TMEM117: variants seen among roughly 807,000 people sequenced by gnomAD.
TMEM117 encodes transmembrane protein 117.
Under a neutral mutation model 52.4 loss-of-function variants are expected in TMEM117, and 27 were observed. That is an observed-to-expected ratio of 0.51 (90% CI 0.38 to 0.71). TMEM117 has a LOEUF of 0.71. Among genes scored for constraint, TMEM117 ranks in the 30% least tolerant of loss-of-function variants. TMEM117 has a pLI of 0.00. For missense variants in TMEM117, 556 were observed against 630.5 expected (o/e 0.88, Z 1.26); for synonymous variants, 215 against 206.3 (o/e 1.04, Z -0.36).
chr12:43,797,241 T>C, the TMEM117 span: 182 of 1,505,230 alleles, frequency 1.2e-4, no homozygotes, highest in Middle Eastern at 2.4e-3. Context: ...AGTAAGAATA[T>C]AGGGCTGATA....
At chr12:43,943,843 C>A (rs1411698046) in intron 2 of TMEM117, among the ~76,000 whole-genome samples, 1 of 152,160 alleles carries the variant, frequency 6.6e-6, no homozygotes, top group Non-Finnish European at 1.5e-5. Context: ...AGGATTCATG[C>A]AACTTCTTTA....
intron 3 of TMEM117, among the ~76,000 whole-genome samples, chr12:44,036,124 G>A (rs1388941896): frequency 2.0e-5 from 3 of 152,024 alleles, no homozygotes; most frequent in Non-Finnish European, 4.4e-5. Flanking sequence ...AGATCTCAGT[G>A]GTTGTCATCT....
At chr12:43,996,910 G>T (rs1035039123) in intron 3 of TMEM117, among the ~76,000 whole-genome samples, 3 of 152,154 alleles carry the variant, frequency 2.0e-5, no homozygotes, top group African/African-American at 4.8e-5. Context: ...GGGCATATTT[G>T]TTGGTGTCAG....
intron 4 of TMEM117, among the ~76,000 whole-genome samples, chr12:44,194,022 G>A (rs1219053153): frequency 6.6e-6 from 1 of 151,992 alleles, no homozygotes; most frequent in Non-Finnish European, 1.5e-5. Flanking sequence ...TATCTATATA[G>A]AACATAAAGT....
At chr12:44,199,557 A>G (rs1199226633) in intron 4 of TMEM117, among the ~76,000 whole-genome samples, 1 of 152,176 alleles carries the variant, frequency 6.6e-6, no homozygotes, top group Non-Finnish European at 1.5e-5. Context: ...ATAATATTTC[A>G]GTGATAGGGA....
At chr12:43,845,049 A>G (rs1943178704) in intron 2 of TMEM117, 121 bp downstream of exon 2, 1 of 1,113,582 alleles carries the variant, frequency 9.0e-7, no homozygotes, top group Non-Finnish European at 1.3e-6. Flanking sequence ...CTCCTGCCTT[A>G]AGTTGTTATG....
chr12:44,288,979 T>A (rs1950668919), intron 5 of TMEM117, among the ~76,000 whole-genome samples: 1 of 152,194 alleles, frequency 6.6e-6, no homozygotes, highest in Admixed American at 6.5e-5. Flanking sequence ...TATTCACTTA[T>A]AACTGAAAGT....
At chr12:43,866,797 A>G (rs1267873951) in intron 2 of TMEM117, among the ~76,000 whole-genome samples, 1 of 152,244 alleles carries the variant, frequency 6.6e-6, no homozygotes, top group Admixed American at 6.5e-5. Context: ...TTTTTAAAAG[A>G]CAAAAATGTT....
intron 1 of TMEM117, among the ~76,000 whole-genome samples, chr12:43,840,701 T>C (rs1261515479): frequency 1.3e-5 from 2 of 152,180 alleles, no homozygotes; most frequent in African/African-American, 4.8e-5. Context: ...GAGCTTATGA[T>C]CAAGTGAGGG....
At chr12:44,059,677 G>T (rs962573173) in intron 3 of TMEM117, among the ~76,000 whole-genome samples, 1 of 152,180 alleles carries the variant, frequency 6.6e-6, no homozygotes, top group Non-Finnish European at 1.5e-5. Context: ...AGTGTATACA[G>T]CAACATTCTC....
intron 1 of TMEM117, among the ~76,000 whole-genome samples, chr12:43,840,827 A>C (rs1373990532): frequency 6.6e-6 from 1 of 152,204 alleles, no homozygotes; most frequent in African/African-American, 2.4e-5. Context: ...TTTGCAGACT[A>C]TGTGCCCTGT....
At chr12:44,125,665 G>C (rs779725961) in intron 3 of TMEM117, among the ~76,000 whole-genome samples, 1 of 151,962 alleles carries the variant, frequency 6.6e-6, no homozygotes, top group Non-Finnish European at 1.5e-5. Flanking sequence ...CAGAAAACCA[G>C]CTCCTGGATT....
rs948334591 is a variant in TMEM117, at chr12:44,172,917, G to T, written c.510+29293G>T. ...TTTTTGTATTTTTAGTAGAGATGGGGTTTCACCATGTTGGCCAGGCTGGTC... is the reference window on the plus strand; with the variant it reads ...TTTTTGTATTTTTAGTAGAGATGGGTTTTCACCATGTTGGCCAGGCTGGTC... On this transcript the variant is annotated intron_variant, in intron 4 of 7. Coordinates refer to ENST00000266534, the MANE Select transcript of TMEM117 (RefSeq NM_032256.3). 3.9e-5 allele frequency among the ~76,000 whole-genome samples: 6 copies of T among 152,042 alleles called. No homozygotes were observed. In the South Asian group the frequency reaches 8.3e-4, roughly 21 times the overall value.
intron 3 of TMEM117, among the ~76,000 whole-genome samples, chr12:44,134,497 A>G (rs1299700250): frequency 1.3e-5 from 2 of 152,110 alleles, no homozygotes; most frequent in Non-Finnish European, 2.9e-5. Flanking sequence ...TGCTATTCTA[A>G]ATTTCAGGAC....
chr12:44,288,006 T>C (rs1950658119), intron 5 of TMEM117, among the ~76,000 whole-genome samples: 1 of 152,206 alleles, frequency 6.6e-6, no homozygotes, highest in African/African-American at 2.4e-5. Flanking sequence ...TACTATTTCC[T>C]GCATGGCAGT....
At chr12:43,848,697 T>C (rs2137366950) in intron 2 of TMEM117, among the ~76,000 whole-genome samples, 1 of 152,332 alleles carries the variant, frequency 6.6e-6, no homozygotes, top group Admixed American at 6.5e-5. Flanking sequence ...ACAGTGGTCC[T>C]GAGGTGACAT....
chr12:44,199,967 A>G (rs1282145512), intron 4 of TMEM117, among the ~76,000 whole-genome samples: 1 of 152,126 alleles, frequency 6.6e-6, no homozygotes, highest in Non-Finnish European at 1.5e-5. Flanking sequence ...AAAATACAAA[A>G]ATCAGCGGGG....
chr12:44,163,517 A>G (rs73290241), intron 4 of TMEM117, among the ~76,000 whole-genome samples: 11,850 of 152,286 alleles, frequency 0.078, 1,393 homozygotes, highest in African/African-American at 0.26. Flanking sequence ...AAACTTACCT[A>G]AGCATACTTT....
chr12:44,249,880 A>G (rs538221237), intron 5 of TMEM117, among the ~76,000 whole-genome samples: 1 of 152,362 alleles, frequency 6.6e-6, no homozygotes, highest in African/African-American at 2.4e-5. Flanking sequence ...ACTTAAAACC[A>G]TAAAAACCCT....
Sources: gnomAD v4.1 joint callset for allele counts (sites outside exome capture counted in the v4.1 genomes callset) on GRCh38, gnomAD v4.1.1 for gene constraint, MANE v1.5 for transcripts, NCBI Gene and HGNC (gene_info 2026-07-23, HGNC 2026-07-21) for gene names.